The following MAN2A1 variants were observed in gnomAD, a reference collection of about 807,000 sequenced individuals.
MAN2A1 encodes the protein mannosidase alpha class 2A member 1.
Under a neutral mutation model 142.6 loss-of-function variants are expected in MAN2A1, and 76 were observed. That is an observed-to-expected ratio of 0.53 (90% CI 0.44 to 0.65). MAN2A1 has a LOEUF of 0.65. Among genes scored for constraint, MAN2A1 ranks in the 30% least tolerant of loss-of-function variants. The pLI is 0.00. For synonymous variants in MAN2A1, 559 were observed against 473.2 expected (o/e 1.18, Z -2.35); for missense variants, 1,311 against 1,365.1 (o/e 0.96, Z 0.62).
At chr5:109,784,972 T>TTAATCTTTAAAAAAAA in intron 10 of MAN2A1, 46 bp downstream of exon 10, 3 of 1,365,120 alleles carry the variant, frequency 2.2e-6, no homozygotes, top group Non-Finnish European at 3.0e-6. Flanking sequence ...TCATTAAAAT[T>TTAATCTTTAAAAAAAA]ATGGGTAATA....
chr5:109,806,087 T>A (rs1254532776), intron 12 of MAN2A1, among the ~76,000 whole-genome samples: 1 of 152,118 alleles, frequency 6.6e-6, no homozygotes, highest in Non-Finnish European at 1.5e-5. Flanking sequence ...GGAGTGAAGG[T>A]TCTCTGCTGG....
chr5:109,772,321 A>G (rs1753169590), intron 7 of MAN2A1, among the ~76,000 whole-genome samples: 1 of 152,136 alleles, frequency 6.6e-6, no homozygotes, highest in African/African-American at 2.4e-5. Context: ...GTGAGCCGAG[A>G]TCTCTCCACT....
At chr5:109,852,925 C>T (rs1352617714) in intron 19 of MAN2A1, among the ~76,000 whole-genome samples, 1 of 152,144 alleles carries the variant, frequency 6.6e-6, no homozygotes, top group African/African-American at 2.4e-5. Context: ...AATGGCAGAA[C>T]TCTGGGTGAG....
chr5:109,789,594 T>A (rs1753686473), intron 12 of MAN2A1, 67 bp downstream of exon 12: 3 of 1,055,870 alleles, frequency 2.8e-6, no homozygotes, highest in South Asian at 3.3e-5. Context: ...TTTATGGTTC[T>A]GGTTTTTAGT....
At chr5:109,813,678 T>C (rs1337063143) in intron 12 of MAN2A1, among the ~76,000 whole-genome samples, 4 of 152,220 alleles carry the variant, frequency 2.6e-5, no homozygotes, top group Non-Finnish European at 5.9e-5. Context: ...TGTTCACATT[T>C]TAGTGGGCAC....
At chr5:109,767,408 G>C (rs563499400) in intron 5 of MAN2A1, 127 bp from the exon 6 acceptor site, 625 of 689,964 alleles carry the variant, frequency 9.1e-4, no homozygotes, top group Non-Finnish European at 1.2e-3. Flanking sequence ...AGAGGATAAT[G>C]CTGGGTAGAT....
At chr5:109,817,585 T>G (rs1754500354) in intron 13 of MAN2A1, 147 bp downstream of exon 13, 3 of 696,080 alleles carry the variant, frequency 4.3e-6, no homozygotes, top group Admixed American at 2.8e-5. Context: ...GTTTAACTGG[T>G]GGGTCAAATG....
In MAN2A1 at chr5:109,842,261, G is replaced by A. The variant is rs1755225420; in HGVS notation, c.2567-67G>A. The stretch of plus-strand genomic sequence containing the variant: ...GTAACTTTGGAAAGAGTTCTGTATA[G>A]TATATTTCAAAAAGGTGAGGCAAGT... On this transcript the variant is annotated intron_variant, in intron 16 of 21. Coordinates refer to ENST00000261483, the MANE Select transcript of MAN2A1 (RefSeq NM_002372.4). 4 of 1,034,008 alleles carry A rather than the reference G, an allele frequency of 3.9e-6. 1 individual carries two copies. In the South Asian group the frequency reaches 4.8e-5, roughly 13 times the overall value. 64.1% of individuals were successfully genotyped at this position (1,034,008 alleles called of 1,614,324 possible).
chr5:109,786,448 G>A (rs1201959158), intron 10 of MAN2A1, among the ~76,000 whole-genome samples: 3 of 151,952 alleles, frequency 2.0e-5, no homozygotes, highest in Non-Finnish European at 4.4e-5. Flanking sequence ...AAGATTTTTT[G>A]TATCTTGACC....
intron 9 of MAN2A1, among the ~76,000 whole-genome samples, chr5:109,782,151 A>G (rs1217357576): frequency 6.6e-6 from 1 of 152,222 alleles, no homozygotes; most frequent in East Asian, 1.9e-4. Context: ...TAGAAGAACA[A>G]CATTTGAAAA....
intron 6 of MAN2A1, among the ~76,000 whole-genome samples, chr5:109,768,920 A>G (rs1753064383): frequency 6.6e-6 from 1 of 152,222 alleles, no homozygotes; most frequent in South Asian, 2.1e-4. Flanking sequence ...GAGTACTTTT[A>G]TGTATTTCAG....
Position 109,788,914 on chromosome 5 carries a change from A to G in MAN2A1, c.1761-20A>G, listed in dbSNP as rs1012503906. 8.6e-6 allele frequency: 10 copies of G among 1,161,028 alleles called. No homozygotes were observed. The highest frequency in any genetic ancestry group is 1.3e-5 in the Non-Finnish European group (10 of 775,458). 71.9% of individuals were successfully genotyped at this position (1,161,028 alleles called of 1,614,324 possible). On this transcript the variant is annotated intron_variant, in intron 10 of 21. Transcript: ENST00000261483. ...GATTTTTAAATTGTTTCTCAGACTA[A>G]TAAAATTTTTGATTTACAGACTTTT... is the stretch of plus-strand genomic sequence containing the variant.
At chr5:109,735,966 A>C (rs1484991006) in intron 4 of MAN2A1, among the ~76,000 whole-genome samples, 1 of 145,036 alleles carries the variant, frequency 6.9e-6, no homozygotes, top group East Asian at 2.1e-4. Context: ...ATTTTCTACC[A>C]GTACTGGGAT....
At chr5:109,710,543 C>A (rs548481381) in intron 1 of MAN2A1, among the ~76,000 whole-genome samples, 1 of 150,170 alleles carries the variant, frequency 6.7e-6, no homozygotes, top group Non-Finnish European at 1.5e-5. Flanking sequence ...CTCGCTTTAT[C>A]GCCTATGTTG....
intron 12 of MAN2A1, among the ~76,000 whole-genome samples, chr5:109,798,171 C>A (rs1004074019): frequency 3.9e-5 from 6 of 152,084 alleles, no homozygotes; most frequent in African/African-American, 1.4e-4. Context: ...TTAACAGCAC[C>A]ATGGATCTGC....
intron 8 of MAN2A1, 64 bp downstream of exon 8, chr5:109,775,029 A>G: frequency 8.9e-7 from 1 of 1,119,844 alleles, no homozygotes; most frequent in Non-Finnish European, 1.3e-6. Context: ...ATGAGACTAT[A>G]AACAGAAATC....
At position 109,764,753 on chromosome 5, in the gene MAN2A1, T is replaced by C. The variant is rs185884809; in HGVS notation, c.836-2782T>C. Among the ~76,000 whole-genome samples the C allele has an allele frequency of 4.1e-3, 623 of 152,286 alleles. 5 individuals carry two copies. The highest frequency in any genetic ancestry group is 0.014 in the African/African-American group (596 of 41,570). The stretch of plus-strand genomic sequence containing the variant: ...AAATTGAATGGACACTATAAACTCT[T>C]TGACATCACTGCAGTGTTTGATACT... On this transcript the variant is annotated intron_variant, in intron 5 of 21. Coordinates refer to ENST00000261483, the MANE Select transcript of MAN2A1 (RefSeq NM_002372.4).
intron 8 of MAN2A1, among the ~76,000 whole-genome samples, chr5:109,778,663 G>T (rs1293286951): frequency 6.6e-6 from 1 of 151,896 alleles, no homozygotes; most frequent in Non-Finnish European, 1.5e-5. Flanking sequence ...TAGAGTATAG[G>T]GTCCACCTTA....
chr5:109,779,588 C>T (rs1753394611), intron 8 of MAN2A1, among the ~76,000 whole-genome samples: 1 of 146,624 alleles, frequency 6.8e-6, no homozygotes, highest in Admixed American at 6.9e-5. Context: ...CACACAAACA[C>T]ACACAGTCTT....
Sources: gnomAD v4.1 joint callset for allele counts (sites outside exome capture counted in the v4.1 genomes callset) on GRCh38, gnomAD v4.1.1 for gene constraint, MANE v1.5 for transcripts, NCBI Gene and HGNC (gene_info 2026-07-23, HGNC 2026-07-21) for gene names.